Variants in ADGRL3 observed in about 807,000 individuals in gnomAD.
The protein encoded by ADGRL3 is adhesion G protein-coupled receptor L3, also known as calcium-independent alpha-latrotoxin receptor 3.
Under a neutral mutation model 153.5 loss-of-function variants are expected in ADGRL3, and 62 were observed. The ratio of observed to expected loss-of-function variants is 0.40; its 90% CI spans 0.33 to 0.50. The LOEUF (loss-of-function observed/expected upper bound fraction) is 0.50. Ranked by LOEUF, ADGRL3 falls within the 20% of genes least tolerant of loss-of-function variation. The pLI, the probability that ADGRL3 is intolerant of heterozygous loss-of-function variation, is 0.47. For missense variants in ADGRL3, 1,641 were observed against 1,859.4 expected (o/e 0.88, Z 2.16); for synonymous variants, 710 against 672.5 (o/e 1.06, Z -0.86).
chr4:61,658,828 G>T (rs554349887), intron 5 of ADGRL3, among the ~76,000 whole-genome samples: 1 of 152,158 alleles, frequency 6.6e-6, no homozygotes, highest in South Asian at 2.1e-4. Flanking sequence ...CAGGAAACCT[G>T]CCCTGAAAGC....
chr4:61,248,362 C>G (rs1757903166), intron 1 of ADGRL3, among the ~76,000 whole-genome samples: 1 of 152,046 alleles, frequency 6.6e-6, no homozygotes, highest in South Asian at 2.1e-4. Context: ...AGTATTGAGT[C>G]TGATTACTTA....
chr4:61,912,633 A>G, intron 12 of ADGRL3, 86 bp from the exon 13 acceptor site: 3 of 1,180,594 alleles, frequency 2.5e-6, no homozygotes, highest in East Asian at 2.3e-5. Context: ...TTTTGTGTAG[A>G]TGTGTTCTTT....
intron 1 of ADGRL3, among the ~76,000 whole-genome samples, chr4:61,247,396 G>A (rs928604388): frequency 2.3e-4 from 35 of 152,006 alleles, no homozygotes; most frequent in African/African-American, 8.5e-4. Flanking sequence ...AACATACTTA[G>A]CTCTTTTCTG....
intron 1 of ADGRL3, among the ~76,000 whole-genome samples, chr4:61,297,036 A>C (rs564908832): frequency 6.6e-6 from 1 of 152,304 alleles, no homozygotes; most frequent in African/African-American, 2.4e-5. Context: ...TACCATAAAC[A>C]ACAAAAAATA....
chr4:61,827,387 G>A (rs1302530341), intron 9 of ADGRL3, among the ~76,000 whole-genome samples: 1 of 152,098 alleles, frequency 6.6e-6, no homozygotes, highest in East Asian at 1.9e-4. Context: ...CAACTGATGT[G>A]GGGCGAAGTG....
At chr4:61,884,893 G>A (rs1053003492) in intron 9 of ADGRL3, among the ~76,000 whole-genome samples, 2 of 151,492 alleles carry the variant, frequency 1.3e-5, no homozygotes, top group African/African-American at 4.8e-5. Flanking sequence ...CCAAAGTGCT[G>A]GGATTATAGG....
At chr4:61,980,531 C>T (rs1448040408) in intron 18 of ADGRL3, among the ~76,000 whole-genome samples, 4 of 151,844 alleles carry the variant, frequency 2.6e-5, no homozygotes, top group Non-Finnish European at 5.9e-5. Flanking sequence ...TCTCCACCTC[C>T]CAAGCTCAAG....
At position 61,658,990 on chromosome 4, in the gene ADGRL3, G is replaced by T. The variant is rs147712699; in HGVS notation, c.474-17836G>T. ...GTATCAGCAAGATACTGTTTTAGAA[G>T]GTTCTAGGGAAGAATCATTGTTTGC... On this transcript the variant is annotated intron_variant, in intron 5 of 26. Coordinates refer to ENST00000683033, the MANE Select transcript of ADGRL3 (RefSeq NM_001387552.1). Among the ~76,000 whole-genome samples the T allele has an allele frequency of 7.2e-5, 11 of 152,252 alleles. No homozygotes were observed. The South Asian group carries it at 1.7e-3, about 23-fold the overall frequency.
chr4:61,529,808 T>A (rs1298536268), intron 4 of ADGRL3, among the ~76,000 whole-genome samples: 1 of 152,096 alleles, frequency 6.6e-6, no homozygotes, highest in Non-Finnish European at 1.5e-5. Context: ...AAAATTAAAG[T>A]TTTAATTGAC....
chr4:61,663,525 C>A (rs1431199781), intron 5 of ADGRL3, among the ~76,000 whole-genome samples: 1 of 152,196 alleles, frequency 6.6e-6, no homozygotes, highest in Non-Finnish European at 1.5e-5. Context: ...AGACCCCTCA[C>A]CACTCTGCGC....
chr4:61,952,866 A>G (rs2098952521), intron 17 of ADGRL3, among the ~76,000 whole-genome samples: 3 of 152,228 alleles, frequency 2.0e-5, no homozygotes, highest in Admixed American at 1.3e-4. Context: ...CCTTTCCGCA[A>G]TCCATTGTAT....
In ADGRL3 at chr4:61,948,290, C is replaced by A. The variant is rs752207710; in HGVS notation, c.2805+14C>A. The A allele has an allele frequency of 6.3e-6, 10 of 1,599,834 alleles. No homozygotes were observed. The East Asian group carries it at 2.2e-4, about 36-fold the overall frequency. On this transcript the variant is annotated intron_variant, in intron 17 of 26. Transcript: ENST00000683033. Reference sequence around the variant, plus strand: ...GTGGAAGTTAAGGTAAGATATATACCATACAATGAAAATGTTTTAGTATAT... The same window carrying A: ...GTGGAAGTTAAGGTAAGATATATACAATACAATGAAAATGTTTTAGTATAT...
intron 6 of ADGRL3, among the ~76,000 whole-genome samples, chr4:61,696,768 C>T (rs772094665): frequency 1.0e-4 from 15 of 150,458 alleles, no homozygotes; most frequent in East Asian, 9.9e-4. Context: ...CTCTACCTCC[C>T]GGGTTCAAGC....
chr4:61,810,725 T>C (rs2097604950), intron 8 of ADGRL3, among the ~76,000 whole-genome samples: 1 of 152,142 alleles, frequency 6.6e-6, no homozygotes, highest in African/African-American at 2.4e-5. Context: ...TTTTTACTTC[T>C]CTGGCATACC....
Position 61,587,318 on chromosome 4 carries a change from C to G in ADGRL3, c.351C>G (p.Asp117Glu). 4.3e-6 allele frequency: 7 copies of G among 1,611,946 alleles called. No individual in the cohort carries two copies. The highest frequency in any genetic ancestry group is 5.9e-6 in the Non-Finnish European group (7 of 1,178,766). The change falls in exon 5 of 27, where the codon GAC becomes GAG. Residue 117 changes from aspartate (D) to glutamate (E), a missense_variant. Transcript: ENST00000683033. ...TAGAGCTTCGCTGTCCAGGAACAGACGTCATCATGATAGAAAGTGCCAACT... is the reference window on the plus strand; with the variant it reads ...TAGAGCTTCGCTGTCCAGGAACAGAGGTCATCATGATAGAAAGTGCCAACT... ...YPIELRCPGT[D>E]VIMIESANYG...
At chr4:61,311,359 G>C (rs865990039) in intron 1 of ADGRL3, among the ~76,000 whole-genome samples, 11 of 152,174 alleles carry the variant, frequency 7.2e-5, no homozygotes, top group African/African-American at 2.7e-4. Context: ...AATACTGGGA[G>C]CTGTATTTGG....
chr4:61,243,101 A>C (rs1281945257), intron 1 of ADGRL3, among the ~76,000 whole-genome samples: 2 of 152,118 alleles, frequency 1.3e-5, no homozygotes, highest in Non-Finnish European at 2.9e-5. Flanking sequence ...TTAGACATGA[A>C]CATTTAAAGA....
At chr4:61,413,420 G>A (rs1278392698) in intron 2 of ADGRL3, among the ~76,000 whole-genome samples, 1 of 152,062 alleles carries the variant, frequency 6.6e-6, no homozygotes, top group Non-Finnish European at 1.5e-5. Flanking sequence ...TCTGGAGTGG[G>A]GATGAAAGTC....
At chr4:61,216,264 A>G (rs1742732685) in intron 1 of ADGRL3, among the ~76,000 whole-genome samples, 1 of 152,204 alleles carries the variant, frequency 6.6e-6, no homozygotes, top group African/African-American at 2.4e-5. Flanking sequence ...GAAACCATTA[A>G]GGAGTCTGAT....
Sources: gnomAD v4.1 joint callset for allele counts (sites outside exome capture counted in the v4.1 genomes callset) on GRCh38, gnomAD v4.1.1 for gene constraint, MANE v1.5 for transcripts, NCBI Gene and HGNC (gene_info 2026-07-23, HGNC 2026-07-21) for gene names.